DAB1: variants seen among roughly 807,000 people sequenced by gnomAD.
The protein encoded by DAB1 is DAB adaptor protein 1.
In DAB1, 15 loss-of-function variants were observed where a neutral mutation model predicts 64.6. The ratio of observed to expected loss-of-function variants is 0.23; its 90% confidence interval spans 0.16 to 0.36. DAB1 has a LOEUF of 0.36. Ranked by LOEUF, DAB1 falls within the 10% of genes least tolerant of loss-of-function variation. The probability of loss-of-function intolerance (pLI) is 1.00; values close to 1 mark genes in which losing one functional copy is unlikely to be tolerated. For missense variants in DAB1, 596 were observed against 706.7 expected, an observed-to-expected ratio of 0.84 and a Z score of 1.78; for synonymous variants, 235 against 251.9, an observed-to-expected ratio of 0.93 and a Z score of 0.64.
At chr1:57,400,550 G>C (rs2101029326) in intron 1 of DAB1, among the ~76,000 whole-genome samples, 1 of 150,108 alleles carries the variant, frequency 6.7e-6, no homozygotes, top group East Asian at 2.0e-4. Context: ...GCCAGTATCA[G>C]TCTTTTTTTT....
intron 4 of DAB1, among the ~76,000 whole-genome samples, chr1:58,280,425 T>C (rs112842111): frequency 4.6e-5 from 7 of 152,210 alleles, no homozygotes; most frequent in African/African-American, 1.4e-4. Context: ...ACCCGAGACC[T>C]TGGGCATTTT....
chr1:57,100,165 C>T (rs1440181792), intron 4 of DAB1, among the ~76,000 whole-genome samples: 1 of 152,056 alleles, frequency 6.6e-6, no homozygotes, highest in Non-Finnish European at 1.5e-5. Flanking sequence ...ATCTTGGTTT[C>T]CCCATCTGTA....
intron 5 of DAB1, among the ~76,000 whole-genome samples, chr1:57,929,549 T>G (rs1644926156): frequency 6.6e-6 from 1 of 152,210 alleles, no homozygotes; most frequent in African/African-American, 2.4e-5. Flanking sequence ...TCCTATGTTA[T>G]CTTCTAGGAG....
chr1:58,261,211 A>T (rs1661040247), intron 4 of DAB1, among the ~76,000 whole-genome samples: 1 of 152,190 alleles, frequency 6.6e-6, no homozygotes, highest in South Asian at 2.1e-4. Context: ...TGAACCCCAA[A>T]TAAATAGCAT....
intron 6 of DAB1, among the ~76,000 whole-genome samples, chr1:57,702,051 T>C (rs1207887483): frequency 6.6e-6 from 1 of 152,216 alleles, no homozygotes; most frequent in African/African-American, 2.4e-5. Context: ...CCCTGTTTGC[T>C]GCCATTTCTT....
intron 1 of DAB1, among the ~76,000 whole-genome samples, chr1:57,381,982 A>G (rs1184473881): frequency 6.6e-6 from 1 of 152,140 alleles, no homozygotes; most frequent in Non-Finnish European, 1.5e-5. Flanking sequence ...GCTGATCACA[A>G]CAAAGAAGCT....
intron 6 of DAB1, among the ~76,000 whole-genome samples, chr1:57,770,393 G>A (rs932187653): frequency 2.6e-5 from 4 of 151,922 alleles, no homozygotes; most frequent in Non-Finnish European, 1.5e-5. Context: ...TCAGCTTCCT[G>A]AATAGCTGGG....
chr1:58,126,482 T>A (rs918816226), intron 5 of DAB1, among the ~76,000 whole-genome samples: 1 of 151,360 alleles, frequency 6.6e-6, no homozygotes, highest in African/African-American at 2.4e-5. Context: ...ATACTTTAAG[T>A]TTTAGGGTAC....
At chr1:58,077,759 G>A (rs1649744933) in intron 5 of DAB1, among the ~76,000 whole-genome samples, 1 of 152,156 alleles carries the variant, frequency 6.6e-6, no homozygotes, top group African/African-American at 2.4e-5. Context: ...AAAGGCTGGG[G>A]AGCACGTTCC....
intron 3 of DAB1, among the ~76,000 whole-genome samples, chr1:58,348,427 C>CA (rs374100505): frequency 6.9e-4 from 101 of 145,962 alleles, no homozygotes; most frequent in African/African-American, 1.5e-3. Flanking sequence ...GCTGTAGTTA[C>CA]AAAAAAAAAA....
chr1:57,327,787 C>G (rs1676301558), intron 1 of DAB1, among the ~76,000 whole-genome samples: 1 of 152,016 alleles, frequency 6.6e-6, no homozygotes. Flanking sequence ...TTTGAGCGGC[C>G]AAATCAATTC....
At position 57,023,740 on chromosome 1, in the gene DAB1, C is replaced by T. The variant is rs534449930; in HGVS notation, c.787-101G>A. 2.3e-4 allele frequency: 174 copies of T among 750,520 alleles called. No homozygotes were observed. The East Asian group carries it at 4.5e-3, about 19-fold the overall frequency. 46.5% of individuals were successfully genotyped at this position (750,520 alleles called of 1,614,324 possible). A position where few individuals can be genotyped will look rare whatever the true frequency, so the allele number is the denominator to read the frequency against. On this transcript the variant is annotated intron_variant, in intron 10 of 14. Transcript: ENST00000371236. ...GGAATTAAGGCGCAGGGGAAGGGGT[C>T]CACAGTTCAAGCCACTTATGGGGTG... is the stretch of plus-strand genomic sequence containing the variant.
chr1:57,234,198 CT>C (rs1241178046), intron 2 of DAB1, among the ~76,000 whole-genome samples: 1 of 152,136 alleles, frequency 6.6e-6, no homozygotes, highest in Non-Finnish European at 1.5e-5. Context: ...CACGAGTGTA[CT>C]TTAAAAGCAT....
intron 14 of DAB1, among the ~76,000 whole-genome samples, chr1:57,003,331 T>C (rs975745536): frequency 2.0e-5 from 3 of 152,198 alleles, no homozygotes; most frequent in African/African-American, 4.8e-5. Flanking sequence ...TTACAGTTTA[T>C]ATACGGTCTT....
intron 5 of DAB1, among the ~76,000 whole-genome samples, chr1:58,114,073 C>T (rs1360721270): frequency 6.9e-6 from 1 of 145,916 alleles, no homozygotes; most frequent in East Asian, 2.1e-4. Flanking sequence ...AGAGTGAAAC[C>T]CCGTAATTAC....
chr1:57,401,833 T>A (rs1200906168), intron 1 of DAB1, among the ~76,000 whole-genome samples: 1 of 152,200 alleles, frequency 6.6e-6, no homozygotes, highest in Non-Finnish European at 1.5e-5. Flanking sequence ...CAAAGGTAAC[T>A]CAATTCAGCA....
At chr1:58,190,397 T>A (rs147365461) in intron 4 of DAB1, among the ~76,000 whole-genome samples, 120 of 152,290 alleles carry the variant, frequency 7.9e-4, no homozygotes, top group African/African-American at 2.8e-3. Context: ...CAGGCAGCAG[T>A]CCAGCCTATC....
chr1:57,141,377 C>T (rs1658576442), intron 3 of DAB1, among the ~76,000 whole-genome samples: 1 of 152,084 alleles, frequency 6.6e-6, no homozygotes, highest in Non-Finnish European at 1.5e-5. Context: ...CATTGCTCCC[C>T]ACTCCCTTAT....
intron 4 of DAB1, among the ~76,000 whole-genome samples, chr1:58,182,859 G>C (rs1006094854): frequency 1.3e-5 from 2 of 151,674 alleles, no homozygotes; most frequent in Non-Finnish European, 2.9e-5. Context: ...CTGCTTCTTT[G>C]CACATCTTGT....
Sources: gnomAD v4.1 joint callset for allele counts (sites outside exome capture counted in the v4.1 genomes callset) on GRCh38, gnomAD v4.1.1 for gene constraint, MANE v1.5 for transcripts, NCBI Gene and HGNC (gene_info 2026-07-23, HGNC 2026-07-21) for gene names.